Variants in BEND3 observed in about 807,000 individuals in gnomAD.
BEND3 encodes BEN domain-containing protein 3.
In BEND3, 13 loss-of-function variants were observed where a neutral mutation model predicts 60.1. That is an observed-to-expected ratio of 0.22 (90% CI 0.14 to 0.34). The LOEUF is 0.34. Ranked by LOEUF, BEND3 falls within the 10% of genes least tolerant of loss-of-function variation. The pLI, the probability that BEND3 is intolerant of heterozygous loss-of-function variation, is 1.00. For synonymous variants in BEND3, 497 were observed against 491.5 expected (o/e 1.01, Z -0.15); for missense variants, 896 against 1,138.1 (o/e 0.79, Z 3.06).
chr6:107,088,219 C>T (rs1554234598), intron 3 of BEND3, among the ~76,000 whole-genome samples: 2 of 151,558 alleles, frequency 1.3e-5, no homozygotes, highest in East Asian at 1.9e-4. Context: ...AGGCTGGACA[C>T]GGCTGAAAAA....
chr6:107,080,169 G>C (rs1427078917), intron 3 of BEND3, among the ~76,000 whole-genome samples: 1 of 151,832 alleles, frequency 6.6e-6, no homozygotes, highest in South Asian at 2.1e-4. Flanking sequence ...GGCCAAGGTG[G>C]GCAGATTGCT....
intron 1 of BEND3, among the ~76,000 whole-genome samples, chr6:107,114,698 C>T (rs1158168188): frequency 6.8e-6 from 1 of 147,090 alleles, no homozygotes; most frequent in Non-Finnish European, 1.5e-5. Context: ...TCGCGGCGCC[C>T]GGCGGGGGTG....
chr6:107,112,399 T>C (rs1053807787), intron 1 of BEND3, among the ~76,000 whole-genome samples: 46 of 152,198 alleles, frequency 3.0e-4, no homozygotes, highest in African/African-American at 2.4e-4. Context: ...TGTGTCAATA[T>C]GGCACCTGTT....
At chr6:107,100,872 G>C (rs1225102835) in intron 1 of BEND3, among the ~76,000 whole-genome samples, 1 of 152,182 alleles carries the variant, frequency 6.6e-6, no homozygotes, top group Non-Finnish European at 1.5e-5. Flanking sequence ...CATTTTGGTT[G>C]AGGATGAGTG....
At chr6:107,108,658 C>G (rs1554237894) in intron 1 of BEND3, among the ~76,000 whole-genome samples, 1 of 152,124 alleles carries the variant, frequency 6.6e-6, no homozygotes, top group Non-Finnish European at 1.5e-5. Context: ...AAAACAGCCC[C>G]TGACATACAA....
chr6:107,114,737 G>GGGC (rs1335106925), intron 1 of BEND3, among the ~76,000 whole-genome samples: 7 of 146,184 alleles, frequency 4.8e-5, no homozygotes, highest in African/African-American at 7.4e-5. Flanking sequence ...CGAGTGGGGC[G>GGGC]GGCGGCGGCG....
At chr6:107,106,920 C>G (rs557332322) in intron 1 of BEND3, among the ~76,000 whole-genome samples, 23 of 149,936 alleles carry the variant, frequency 1.5e-4, no homozygotes, top group African/African-American at 5.7e-4. Flanking sequence ...TAACCCAGCC[C>G]AGTTTTCAAA....
intron 1 of BEND3, among the ~76,000 whole-genome samples, chr6:107,114,629 G>A (rs1306023848): frequency 6.7e-6 from 1 of 150,106 alleles, no homozygotes; most frequent in Non-Finnish European, 1.5e-5. Context: ...GCCCCGCCGA[G>A]CGCGAGCGCC....
chr6:107,108,724 C>G (rs1440640789), intron 1 of BEND3, among the ~76,000 whole-genome samples: 1 of 152,136 alleles, frequency 6.6e-6, no homozygotes, highest in Non-Finnish European at 1.5e-5. Flanking sequence ...GATACTGATG[C>G]AACTGTGTTT....
At chr6:107,091,000 C>T (rs1554235141) in intron 3 of BEND3, among the ~76,000 whole-genome samples, 1 of 151,738 alleles carries the variant, frequency 6.6e-6, no homozygotes, top group African/African-American at 2.4e-5. Context: ...ATCCCAGCTA[C>T]TCAGTAGGCT....
At position 107,066,191 on chromosome 6, in the gene BEND3, C is replaced by A. The variant is rs752844849; in HGVS notation, c.*2513G>T. 3 of 150,950 alleles carry A rather than the reference C, an allele frequency of 2.0e-5. No individual in the cohort carries two copies. The highest frequency in any genetic ancestry group is 7.3e-5 in the African/African-American group (3 of 41,058). 9.4% of individuals were successfully genotyped at this position (150,950 alleles called of 1,614,324 possible). ...GCGACTGCCAACAGGTTTCATGGAACACATTAAATTTTGAAAAAATAAGTA... is the reference window on the plus strand; with the variant it reads ...GCGACTGCCAACAGGTTTCATGGAAAACATTAAATTTTGAAAAAATAAGTA... On this transcript the variant is annotated 3_prime_UTR_variant, in exon 4 of 4. Transcript: ENST00000369042.
At chr6:107,102,577 C>T (rs1314498765) in intron 1 of BEND3, among the ~76,000 whole-genome samples, 1 of 152,220 alleles carries the variant, frequency 6.6e-6, no homozygotes, top group Non-Finnish European at 1.5e-5. Flanking sequence ...AAAACACTTC[C>T]GTGTCCATTT....
rs781836951 is a variant in BEND3 at position 107,070,771 on chromosome 6, C to T, written c.420G>A (p.Glu140=). The T allele has an allele frequency of 1.9e-6, 3 of 1,614,018 alleles. No individual in the cohort carries two copies. The highest frequency in any genetic ancestry group is 3.3e-5 in the Admixed American group (2 of 59,992). The change falls in exon 4 of 4, where the codon GAG becomes GAA. Residue 140 remains glutamate, a synonymous_variant. Transcript: ENST00000369042. This position sits in a 1 kb window ranked among gnomAD's most constrained non-coding sequence, Gnocchi z 6.9. Reference sequence around the variant, plus strand: ...GGTCCCCCGAGGGAGGATTCTTCTTCTCCATGATCTTGTGCGAGATGCCAT... The same window carrying T: ...GGTCCCCCGAGGGAGGATTCTTCTTTTCCATGATCTTGTGCGAGATGCCAT... The part of the protein sequence containing the change: ...PLYGISHKIM[E]KKNPPSGDLL...
chr6:107,098,327 G>T lies in BEND3; in HGVS notation c.240+224C>A, dbSNP rs188289000. Among the ~76,000 whole-genome samples, 23 of 152,314 alleles carry T rather than the reference G, an allele frequency of 1.5e-4. No individual in the cohort carries two copies. The East Asian group carries it at 4.4e-3, about 29-fold the overall frequency. On this transcript the variant is annotated intron_variant, in intron 3 of 3. Coordinates refer to ENST00000369042, the MANE Select transcript of BEND3 (RefSeq NM_001367314.1). ...AAAATAACGCAAAAGCAGCTGCAAT[G>T]TGAAGGCTCCCTTTACCCACCAGGA... is the stretch of plus-strand genomic sequence containing the variant.
Position 107,068,514 on chromosome 6 carries a change from G to A in BEND3, c.*190C>T. On this transcript the variant is annotated 3_prime_UTR_variant, in exon 4 of 4. Transcript: ENST00000369042. This position sits in a 1 kb window ranked among gnomAD's most constrained non-coding sequence, Gnocchi z 5.8. ...TAGGACAGAAGTTGTAAGTACAAGA[G>A]ACCAAACTCAAGGCTTCTTTCTTGC... 3.0e-6 allele frequency: 2 copies of A among 660,356 alleles called. No homozygotes were observed. The highest frequency in any genetic ancestry group is 1.8e-5 in the African/African-American group (1 of 54,970). The allele number at this position is 660,356 out of a possible 1,614,324, so 40.9% of individuals were successfully genotyped here. A position where few individuals can be genotyped will look rare whatever the true frequency, so the allele number is the denominator to read the frequency against.
chr6:107,071,936 CTG>C (rs1263371455), intron 3 of BEND3, among the ~76,000 whole-genome samples: 3 of 152,188 alleles, frequency 2.0e-5, no homozygotes, highest in African/African-American at 4.8e-5. Flanking sequence ...ATCATCATGA[CTG>C]TGGCTGTGGG....
intron 1 of BEND3, among the ~76,000 whole-genome samples, chr6:107,106,943 T>TTC (rs1554237598): frequency 3.3e-5 from 5 of 150,798 alleles, no homozygotes; most frequent in African/African-American, 9.8e-5. Context: ...GGGCTTTTTT[T>TTC]TTTTTTTTTT....
At chr6:107,071,484 T>C (rs1554232070) in intron 3 of BEND3, among the ~76,000 whole-genome samples, 2 of 152,134 alleles carry the variant, frequency 1.3e-5, no homozygotes, top group African/African-American at 4.8e-5. Flanking sequence ...AAGGCTCATC[T>C]GGGATGCATG....
Position 107,069,386 on chromosome 6 carries a change from C to A in BEND3, c.1805G>T (p.Gly602Val). 1 of 1,612,464 alleles carries A rather than the reference C, an allele frequency of 6.2e-7. No homozygotes were observed. Among genetic ancestry groups the A allele is most frequent in the Non-Finnish European group, 8.5e-7 (1 of 1,179,752 alleles). ...GCGGGAGGGGTCCAGCTGCTTCTTG[C>A]CCAGGGAGCCGCTGCAGTTGTACTG... The part of the protein sequence containing the change: ...RKQYNCSGSL[G>V]KKQLDPSRIK... The change falls in exon 4 of 4, where the codon GGC (glycine) becomes GTC (valine). Residue 602 changes from glycine (G) to valine (V), a missense_variant. Physicochemically the swap from Gly to Val is moderately radical, Grantham distance 109. Transcript: ENST00000369042.
Sources: allele counts gnomAD v4.1 joint callset (sites outside exome capture counted in the v4.1 genomes callset), GRCh38; gene constraint gnomAD v4.1.1; non-coding constraint Gnocchi (gnomAD v3.1); transcripts MANE v1.5; gene names NCBI Gene and HGNC (gene_info 2026-07-23, HGNC 2026-07-21).